The following CTNNA3 variants were observed in gnomAD, a reference collection of about 807,000 sequenced individuals.
The protein encoded by CTNNA3 is catenin alpha 3, also known as catenin alpha-3.
CTNNA3 carries 76 observed loss-of-function variants against 95.7 expected under a neutral mutation model. The observed-to-expected ratio is 0.79, with a 90% CI of 0.66 to 0.96. The LOEUF is 0.96. Among genes scored for constraint, CTNNA3 ranks in the 40% least tolerant of loss-of-function variants. The pLI, the probability that CTNNA3 is intolerant of heterozygous loss-of-function variation, is 0.00. For missense variants in CTNNA3, 1,191 were observed against 1,089.8 expected (o/e 1.09, Z -1.31); for synonymous variants, 431 against 374.4 (o/e 1.15, Z -1.74).
rs986313517 is a variant in CTNNA3, at chr10:67,708,901, T to C, written c.-2+54533A>G. Among the ~76,000 whole-genome samples, 3 of 152,036 alleles carry C rather than the reference T, an allele frequency of 2.0e-5. No individual in the cohort carries two copies. The South Asian group carries it at 6.2e-4, about 31-fold the overall frequency. ...AATATTTTTGAATGTTCCTTTTTAA[T>C]ATCCTGAAATGAAATTTATAGTTAC... On this transcript the variant is annotated intron_variant, in intron 1 of 17. Coordinates refer to the CTNNA3 transcript ENST00000684154.
chr10:67,301,908 G>T (rs1840296478), intron 5 of CTNNA3, among the ~76,000 whole-genome samples: 1 of 151,372 alleles, frequency 6.6e-6, no homozygotes, highest in African/African-American at 2.4e-5. Context: ...GGCGGAGCTT[G>T]CAGTGAGCGG....
chr10:66,745,437 A>C (rs1392561091), intron 9 of CTNNA3, among the ~76,000 whole-genome samples: 1 of 152,174 alleles, frequency 6.6e-6, no homozygotes. Context: ...AAAGGACTAA[A>C]GTTTCTGCTC....
chr10:67,157,807 CA>C (rs1268985546), intron 7 of CTNNA3, among the ~76,000 whole-genome samples: 1 of 151,912 alleles, frequency 6.6e-6, no homozygotes, highest in African/African-American at 2.4e-5. Context: ...ATTCCCAGCC[CA>C]AAAAAATCAC....
intron 7 of CTNNA3, among the ~76,000 whole-genome samples, chr10:67,022,662 GC>G: frequency 6.6e-6 from 1 of 152,236 alleles, no homozygotes; most frequent in East Asian, 1.9e-4. Context: ...TGAAGGCCGG[GC>G]ACGGTGGTTC....
intron 5 of CTNNA3, among the ~76,000 whole-genome samples, chr10:67,257,697 T>C (rs1435249606): frequency 2.0e-5 from 3 of 152,212 alleles, no homozygotes; most frequent in East Asian, 1.9e-4. Context: ...TCTTGCGTCA[T>C]TTTTGTTTTG....
chr10:67,333,831 T>C (rs554857752), intron 5 of CTNNA3, among the ~76,000 whole-genome samples: 30 of 152,198 alleles, frequency 2.0e-4, no homozygotes, highest in African/African-American at 6.7e-4. Flanking sequence ...TACTTTCATC[T>C]CTCACATCAA....
At chr10:67,741,443 G>C (rs1026199112) in intron 1 of CTNNA3, among the ~76,000 whole-genome samples, 1 of 149,468 alleles carries the variant, frequency 6.7e-6, no homozygotes, top group Non-Finnish European at 1.5e-5. Flanking sequence ...ATACTTTACA[G>C]ACAAGCAAAT....
At chr10:66,549,331 G>A (rs1194029838) in intron 10 of CTNNA3, among the ~76,000 whole-genome samples, 1 of 152,098 alleles carries the variant, frequency 6.6e-6, no homozygotes, top group Non-Finnish European at 1.5e-5. Flanking sequence ...GAATTAACCA[G>A]TGAAATCATC....
chr10:67,717,518 T>G (rs951103535), intron 1 of CTNNA3, among the ~76,000 whole-genome samples: 6 of 152,222 alleles, frequency 3.9e-5, no homozygotes, highest in Admixed American at 2.0e-4. Flanking sequence ...CAAGGTCCAG[T>G]TTCAGTTTTC....
At chr10:66,058,302 C>T (rs535890154) in intron 15 of CTNNA3, among the ~76,000 whole-genome samples, 46 of 152,236 alleles carry the variant, frequency 3.0e-4, no homozygotes, top group African/African-American at 1.1e-3. Context: ...TCTATTCCAT[C>T]TCTCAGGGTT....
chr10:67,020,334 CA>C (rs1852926856), intron 7 of CTNNA3, among the ~76,000 whole-genome samples: 1 of 152,248 alleles, frequency 6.6e-6, no homozygotes, highest in Admixed American at 6.5e-5. Context: ...ATTAAGAGCA[CA>C]AGGGCTTCTT....
intron 17 of CTNNA3, among the ~76,000 whole-genome samples, chr10:65,940,720 G>A (rs563011385): frequency 6.6e-6 from 1 of 152,104 alleles, no homozygotes; most frequent in African/African-American, 2.4e-5. Context: ...AAGCAGTTGA[G>A]GGATTTTCAG....
intron 7 of CTNNA3, among the ~76,000 whole-genome samples, chr10:66,968,738 C>T (rs866970064): frequency 1.3e-5 from 2 of 151,866 alleles, no homozygotes; most frequent in Non-Finnish European, 2.9e-5. Flanking sequence ...TATTTTTGGC[C>T]GGGCATGGTG....
chr10:66,220,360 T>C (rs2088854382), intron 13 of CTNNA3, among the ~76,000 whole-genome samples: 1 of 152,170 alleles, frequency 6.6e-6, no homozygotes, highest in Admixed American at 6.5e-5. Flanking sequence ...TCTGACTTGT[T>C]TACTCAGCCG....
rs150542379 is a variant in CTNNA3 at position 67,294,521 on chromosome 10, TAAG to T, written c.580-74654_580-74652del. On this transcript the variant is annotated intron_variant, in intron 5 of 17. Transcript: ENST00000433211. Reference sequence around the variant, plus strand: ...TTTACAAATAAAATGTTTTGATTTTTAAGAAGAAGAATAATGACTACAAAGCTA... The same window carrying T: ...TTTACAAATAAAATGTTTTGATTTTTAAGAAGAATAATGACTACAAAGCTA... Among the ~76,000 whole-genome samples, 226 of 152,294 alleles carry T rather than the reference TAAG, an allele frequency of 1.5e-3. 1 individual carries two copies. Among genetic ancestry groups the T allele is most frequent in the African/African-American group, 5.0e-3 (208 of 41,562 alleles).
intron 15 of CTNNA3, among the ~76,000 whole-genome samples, chr10:66,008,531 G>C (rs2078941848): frequency 3.9e-5 from 6 of 152,142 alleles, no homozygotes; most frequent in Admixed American, 3.9e-4. Flanking sequence ...AGCCAAATAG[G>C]TTGCTTTGGG....
At chr10:66,804,188 C>T (rs1319367113) in intron 7 of CTNNA3, among the ~76,000 whole-genome samples, 2 of 152,020 alleles carry the variant, frequency 1.3e-5, no homozygotes, top group Non-Finnish European at 2.9e-5. Flanking sequence ...ATATTTCAAG[C>T]TCTTAAACTG....
chr10:66,617,679 C>G (rs1246209587), intron 10 of CTNNA3, among the ~76,000 whole-genome samples: 5 of 152,078 alleles, frequency 3.3e-5, no homozygotes, highest in Admixed American at 6.6e-5. Context: ...CTCACCACTC[C>G]TATTCAACAT....
At position 66,343,257 on chromosome 10, in the gene CTNNA3, A is replaced by G. The variant is rs374068527; in HGVS notation, c.1732+35895T>C. 4.7e-4 allele frequency among the ~76,000 whole-genome samples: 71 copies of G among 152,234 alleles called. 1 individual carries two copies. The South Asian group carries it at 0.014, about 30-fold the overall frequency. On this transcript the variant is annotated intron_variant, in intron 12 of 17. Coordinates refer to ENST00000433211, the MANE Select transcript of CTNNA3 (RefSeq NM_013266.4). Reference sequence around the variant, plus strand: ...CCAAAAGAAATTAAATCATTATATCAAAGAGACACCTGCACTCTCATGTTT... The same window carrying G: ...CCAAAAGAAATTAAATCATTATATCGAAGAGACACCTGCACTCTCATGTTT...
Sources: allele counts gnomAD v4.1 joint callset (sites outside exome capture counted in the v4.1 genomes callset), GRCh38; gene constraint gnomAD v4.1.1; transcripts MANE v1.5; gene names NCBI Gene and HGNC (gene_info 2026-07-23, HGNC 2026-07-21).